Variants in IBTK observed in about 807,000 individuals in gnomAD.
The protein encoded by IBTK is inhibitor of Bruton tyrosine kinase, also known as BTK-binding protein.
Under a neutral mutation model 154.9 loss-of-function variants are expected in IBTK, and 83 were observed. The observed-to-expected ratio is 0.54, with a 90% CI of 0.45 to 0.64. IBTK has a LOEUF of 0.64. Ranked by LOEUF, IBTK falls within the 30% of genes least tolerant of loss-of-function variation. The pLI is 0.00. For missense variants in IBTK, 1,332 were observed against 1,584.6 expected, an observed-to-expected ratio of 0.84 and a Z score of 2.71; for synonymous variants, 515 against 536.1, an observed-to-expected ratio of 0.96 and a Z score of 0.54.
intron 2 of IBTK, among the ~76,000 whole-genome samples, chr6:82,235,767 TTTTG>T (rs1770693363): frequency 6.6e-6 from 1 of 152,252 alleles, no homozygotes; most frequent in Admixed American, 6.5e-5. Flanking sequence ...CTTCAATATA[TTTTG>T]TTTATGTTAC....
rs1383513414 is a variant in IBTK at position 82,208,789 on chromosome 6, A to G, written c.2509+2025T>C. ...TTTTTGTTTTAAACGACACTTCATC[A>G]AGGAAGTGAAAACAACTCAGAGAAG... On this transcript the variant is annotated intron_variant, in intron 16 of 28. Transcript: ENST00000306270. Among the ~76,000 whole-genome samples the G allele has an allele frequency of 3.9e-5, 6 of 152,302 alleles. No individual in the cohort carries two copies. The East Asian group carries it at 9.7e-4, about 25-fold the overall frequency.
chr6:82,201,378 C>G, intron 19 of IBTK, 44 bp downstream of exon 19: 1 of 1,372,200 alleles, frequency 7.3e-7, no homozygotes, highest in Non-Finnish European at 1.0e-6. Context: ...ACTGCTTAAG[C>G]TGGTAATATT....
chr6:82,214,249 C>A lies in IBTK; in HGVS notation c.2182G>T (p.Asp728Tyr), dbSNP rs774003942. The A allele has an allele frequency of 5.6e-6, 9 of 1,611,066 alleles. No homozygotes were observed. Among genetic ancestry groups the A allele is most frequent in the Non-Finnish European group, 7.6e-6 (9 of 1,179,122 alleles). Residue 728 changes from aspartate (D) to tyrosine (Y), a missense_variant, in exon 12 of 29, where the codon GAC (aspartate) becomes TAC (tyrosine). Physicochemically the swap from Asp to Tyr is radical, Grantham distance 160. This residue lies in a region of IBTK where 1,134 missense variants were observed against 1,274.7 expected (regional missense o/e 0.89). Coordinates refer to ENST00000306270, the MANE Select transcript of IBTK (RefSeq NM_015525.4). ...RMLQTVAKKF[D>Y]FSNLSSRLDG... ...TACCTACTACTCAAATTACTGAAGTCGAATTTCTTTGCAACAGTTTGCAAC... is the reference window on the plus strand; with the variant it reads ...TACCTACTACTCAAATTACTGAAGTAGAATTTCTTTGCAACAGTTTGCAAC...
chr6:82,227,409 C>A (rs950135432), intron 4 of IBTK, 107 bp from the exon 5 acceptor site: 4 of 534,460 alleles, frequency 7.5e-6, no homozygotes, highest in Admixed American at 4.0e-5. Context: ...ATAATGGATA[C>A]AAGGGGAATT....
chr6:82,232,754 G>A lies in IBTK; in HGVS notation c.419-912C>T, dbSNP rs554510076. 6.6e-5 allele frequency among the ~76,000 whole-genome samples: 10 copies of A among 152,272 alleles called. No homozygotes were observed. The South Asian group carries it at 1.0e-3, about 16-fold the overall frequency. The stretch of plus-strand genomic sequence containing the variant: ...ATTGGAGCCGGGCACAGTGGCTCAC[G>A]CCTGTAATCCCAGCACTTTGAGAGG... On this transcript the variant is annotated intron_variant, in intron 3 of 28. Coordinates refer to ENST00000306270, the MANE Select transcript of IBTK (RefSeq NM_015525.4).
At chr6:82,246,690 C>A (rs1380660806) in intron 1 of IBTK, among the ~76,000 whole-genome samples, 1 of 152,070 alleles carries the variant, frequency 6.6e-6, no homozygotes, top group African/African-American at 2.4e-5. Context: ...CAGTTTTGTC[C>A]TCATCTACCT....
At chr6:82,237,550 TAGCAGCAGCAGC>T (rs35272040) in intron 2 of IBTK, among the ~76,000 whole-genome samples, 1 of 149,328 alleles carries the variant, frequency 6.7e-6, no homozygotes, top group Non-Finnish European at 1.5e-5. Flanking sequence ...GTAGTAGTAG[TAGCAGCAGCAGC>T]AGCAGCAGCA....
intron 1 of IBTK, among the ~76,000 whole-genome samples, chr6:82,241,203 T>G (rs543154697): frequency 6.6e-5 from 10 of 152,246 alleles, no homozygotes; most frequent in African/African-American, 2.4e-4. Flanking sequence ...CTCTGGAGTT[T>G]CTCTTTCTTT....
intron 2 of IBTK, among the ~76,000 whole-genome samples, chr6:82,239,179 T>C (rs940649607): frequency 6.6e-6 from 1 of 151,986 alleles, no homozygotes. Context: ...TGGTGGCTCA[T>C]GCCTGTAATC....
intron 16 of IBTK, among the ~76,000 whole-genome samples, chr6:82,209,267 C>T (rs1769535938): frequency 6.6e-6 from 1 of 152,064 alleles, no homozygotes; most frequent in Non-Finnish European, 1.5e-5. Context: ...AAAACTTAGG[C>T]ATGAGTGTTC....
At chr6:82,226,685 C>T (rs1012461512) in intron 5 of IBTK, among the ~76,000 whole-genome samples, 2 of 152,010 alleles carry the variant, frequency 1.3e-5, no homozygotes, top group Non-Finnish European at 2.9e-5. Flanking sequence ...CGGCTCACCG[C>T]AACCTCCGCC....
chr6:82,185,635 A>G (rs966762440), intron 25 of IBTK, among the ~76,000 whole-genome samples: 1 of 151,714 alleles, frequency 6.6e-6, no homozygotes, highest in African/African-American at 2.4e-5. Flanking sequence ...TATTACAAGT[A>G]TTTACATTCT....
Position 82,223,285 on chromosome 6 carries a change from G to A in IBTK, c.1124+155C>T, listed in dbSNP as rs143549866. 2.5e-3 allele frequency among the ~76,000 whole-genome samples: 387 copies of A among 152,188 alleles called. 1 individual carries two copies. The highest frequency in any genetic ancestry group is 9.2e-3 in the African/African-American group (381 of 41,538). ...TATATTCACTGGATCCATGCCAAAA[G>A]ACAAAAATCAAAGACAAAAATTCCT... is the stretch of plus-strand genomic sequence containing the variant. On this transcript the variant is annotated intron_variant, in intron 8 of 28. Coordinates refer to ENST00000306270, the MANE Select transcript of IBTK (RefSeq NM_015525.4).
intron 1 of IBTK, among the ~76,000 whole-genome samples, chr6:82,244,902 C>T (rs1185884774): frequency 6.6e-6 from 1 of 151,896 alleles, no homozygotes; most frequent in Non-Finnish European, 1.5e-5. Flanking sequence ...TGCTACGTTA[C>T]ACTGTCTTCT....
intron 26 of IBTK, 105 bp from the exon 27 acceptor site, chr6:82,173,543 G>A (rs903296317): frequency 4.8e-6 from 4 of 825,866 alleles, no homozygotes; most frequent in African/African-American, 3.4e-5. Flanking sequence ...GACTCCAGAG[G>A]CAAATTAAAT....
chr6:82,240,178 C>G lies in IBTK; in HGVS notation c.309G>C (p.Trp103Cys). ...SIFYGHIDCV[W>C]SLLKHGVSLY... The stretch of plus-strand genomic sequence containing the variant: ...AAATGACAATTACCTTCAATAGAGA[C>G]CAAACACAATCAATATGTCCATAAA... The change falls in exon 2 of 29, where the codon TGG becomes TGC. Residue 103 changes from tryptophan to cysteine, a missense_variant. Trp to Cys is a radical substitution (Grantham distance 215). This residue lies in a region of IBTK where 114 missense variants were observed against 213.7 expected (regional missense o/e 0.53). Coordinates refer to ENST00000306270, the MANE Select transcript of IBTK (RefSeq NM_015525.4). 6.2e-7 allele frequency: 1 copy of G among 1,612,714 alleles called. No individual in the cohort carries two copies. Among genetic ancestry groups the G allele is most frequent in the Non-Finnish European group, 8.5e-7 (1 of 1,178,904 alleles).
chr6:82,196,119 A>G (rs1182099775), intron 22 of IBTK, among the ~76,000 whole-genome samples, 179 bp downstream of exon 22: 1 of 152,228 alleles, frequency 6.6e-6, no homozygotes, highest in Non-Finnish European at 1.5e-5. Flanking sequence ...AACTGCCATT[A>G]CAATCTCTAA....
rs764435954 is a variant in IBTK at position 82,240,399 on chromosome 6, C to T, written c.88G>A (p.Glu30Lys). 8 of 1,614,178 alleles carry T rather than the reference C, an allele frequency of 5.0e-6. No individual in the cohort carries two copies. The highest frequency in any genetic ancestry group is 4.0e-5 in the African/African-American group (3 of 75,046). Residue 30 changes from glutamate (E) to lysine (K), a missense_variant, in exon 2 of 29, where the codon GAA (glutamate) becomes AAA (lysine). Physicochemically the swap from Glu to Lys is moderately conservative, Grantham distance 56. Coordinates refer to ENST00000306270, the MANE Select transcript of IBTK (RefSeq NM_015525.4). The part of the protein sequence containing the change: ...DVLSVVTKGS[E>K]NQIKAFLSSH... Reference sequence around the variant, plus strand: ...GAGAGAAAGGCCTTAATCTGGTTTTCGCTCCCCTTTGTTACCACAGAAAGG... The same window carrying T: ...GAGAGAAAGGCCTTAATCTGGTTTTTGCTCCCCTTTGTTACCACAGAAAGG...
At chr6:82,244,530 T>C (rs1349677502) in intron 1 of IBTK, among the ~76,000 whole-genome samples, 1 of 152,204 alleles carries the variant, frequency 6.6e-6, no homozygotes, top group Non-Finnish European at 1.5e-5. Context: ...TCCTTCAAAC[T>C]GGGCTTCTCT....
Sources: allele counts gnomAD v4.1 joint callset (sites outside exome capture counted in the v4.1 genomes callset), GRCh38; gene constraint gnomAD v4.1.1; regional missense constraint gnomAD v4.1.1; transcripts MANE v1.5; gene names NCBI Gene and HGNC (gene_info 2026-07-23, HGNC 2026-07-21).